SLC25A33: variants seen among roughly 807,000 people sequenced by gnomAD.
The protein encoded by SLC25A33 is solute carrier family 25 member 33.
Under a neutral mutation model 35.5 loss-of-function variants are expected in SLC25A33, and 15 were observed. That is an observed-to-expected ratio of 0.42 (90% CI 0.28 to 0.65). The LOEUF (loss-of-function observed/expected upper bound fraction) is 0.65. Ranked by LOEUF, SLC25A33 falls within the 30% of genes least tolerant of loss-of-function variation. The pLI is 0.20. For synonymous variants in SLC25A33, 136 were observed against 148.7 expected (o/e 0.91, Z 0.62); for missense variants, 257 against 398.5 (o/e 0.64, Z 3.02).
Position 9,539,495 on chromosome 1 carries a change from C to A in SLC25A33, c.-197C>A, listed in dbSNP as rs1432159059. On this transcript the variant is annotated 5_prime_UTR_variant, in exon 1 of 7. Coordinates refer to ENST00000302692, the MANE Select transcript of SLC25A33 (RefSeq NM_032315.3). ...CCCGCCGGGCTCGCGCCGCAGAGGC[C>A]GGTGAGGCGCCGGCGGCCACGCCGC... 1 of 219,130 alleles carries A rather than the reference C, an allele frequency of 4.6e-6. No homozygotes were observed. The highest frequency in any genetic ancestry group is 8.6e-6 in the Non-Finnish European group (1 of 116,756). 13.6% of individuals were successfully genotyped at this position (219,130 alleles called of 1,614,324 possible).
At chr1:9,555,435 G>A (rs1643329358) in intron 2 of SLC25A33, among the ~76,000 whole-genome samples, 1 of 152,002 alleles carries the variant, frequency 6.6e-6, no homozygotes, top group South Asian at 2.1e-4. Flanking sequence ...GCACTTTTAG[G>A]CACAATTTAG....
At chr1:9,544,058 TTGCTC>T (rs2100366568) in intron 1 of SLC25A33, among the ~76,000 whole-genome samples, 1 of 151,838 alleles carries the variant, frequency 6.6e-6, no homozygotes, top group Admixed American at 6.6e-5. Context: ...TGAGCTGAGA[TTGCTC>T]CACTGCACTC....
At chr1:9,548,469 G>A (rs1322957270) in intron 1 of SLC25A33, among the ~76,000 whole-genome samples, 4 of 151,996 alleles carry the variant, frequency 2.6e-5, no homozygotes, top group Non-Finnish European at 5.9e-5. Context: ...GTAATCCCAG[G>A]AACTCATGAG....
chr1:9,554,319 G>T (rs935757804), intron 2 of SLC25A33, among the ~76,000 whole-genome samples: 2 of 146,336 alleles, frequency 1.4e-5, no homozygotes, highest in East Asian at 4.2e-4. Flanking sequence ...GTGAGCCACC[G>T]CTCCCAGCCG....
chr1:9,554,571 C>G (rs945671531), intron 2 of SLC25A33, among the ~76,000 whole-genome samples: 11 of 151,326 alleles, frequency 7.3e-5, no homozygotes, highest in Non-Finnish European at 8.8e-5. Flanking sequence ...GTTGGCCAGG[C>G]TGGTCCCAAA....
rs968087653 is a variant in SLC25A33 at position 9,545,205 on chromosome 1, G to T, written c.56+5458G>T. 1.3e-4 allele frequency among the ~76,000 whole-genome samples: 19 copies of T among 151,792 alleles called. No homozygotes were observed. In the South Asian group the frequency reaches 2.3e-3, roughly 18 times the overall value. ...GAGGGGAGTTTTTTTGTTTTTGGTG[G>T]TTTTTTTTGTTTTGTTTGTTTGTTT... On this transcript the variant is annotated intron_variant, in intron 1 of 6. Transcript: ENST00000302692.
rs1254344926 is a variant in SLC25A33, at chr1:9,567,282, A to G, written c.237-2A>G. 7 of 1,613,488 alleles carry G rather than the reference A, an allele frequency of 4.3e-6. No individual in the cohort carries two copies. Among genetic ancestry groups the G allele is most frequent in the Non-Finnish European group, 5.9e-6 (7 of 1,179,798 alleles). On this transcript the variant is annotated splice_acceptor_variant, in intron 2 of 6. Coordinates refer to ENST00000302692, the MANE Select transcript of SLC25A33 (RefSeq NM_032315.3). LOFTEE classifies it high-confidence loss of function. ...AAAGGTTTGTCTTTTCTTATTATTC[A>G]GGTCGATCTTGGAGAAAGAGGGACC...
chr1:9,570,429 T>C (rs2100403143), intron 4 of SLC25A33, 71 bp downstream of exon 4: 1 of 1,332,884 alleles, frequency 7.5e-7, no homozygotes, highest in East Asian at 2.4e-5. Flanking sequence ...TGCCAGTTTT[T>C]CCAGGAATTA....
At chr1:9,545,888 G>A (rs1285129640) in intron 1 of SLC25A33, among the ~76,000 whole-genome samples, 4 of 151,616 alleles carry the variant, frequency 2.6e-5, no homozygotes, top group Non-Finnish European at 5.9e-5. Flanking sequence ...ACTTGAACCC[G>A]GGAGGCGGAG....
Position 9,582,337 on chromosome 1 carries a change from T to G in SLC25A33, c.802T>G (p.Tyr268Asp). Residue 268 changes from tyrosine (Y) to aspartate (D), a missense_variant, in exon 7 of 7, where the codon TAC (tyrosine) becomes GAC (aspartate). Transcript: ENST00000302692. This position sits in a 1 kb window ranked among gnomAD's most constrained non-coding sequence, Gnocchi z 4.0. ...RTRLREEGTK[Y>D]KSFVQTARLV... Reference sequence around the variant, plus strand: ...GAGGCTCCGGGAAGAGGGCACCAAGTACAAGTCTTTTGTCCAGACGGCGCG... The same window carrying G: ...GAGGCTCCGGGAAGAGGGCACCAAGGACAAGTCTTTTGTCCAGACGGCGCG... The G allele has an allele frequency of 1.2e-6, 2 of 1,613,990 alleles. No individual in the cohort carries two copies. Among genetic ancestry groups the G allele is most frequent in the Non-Finnish European group, 1.7e-6 (2 of 1,179,860 alleles).
intron 1 of SLC25A33, among the ~76,000 whole-genome samples, chr1:9,551,085 G>C (rs1035018135): frequency 4.0e-5 from 6 of 151,722 alleles, no homozygotes; most frequent in Admixed American, 3.3e-4. Context: ...CCCACAACTT[G>C]ATTAAAAATA....
At chr1:9,577,737 A>G (rs1214340766) in intron 5 of SLC25A33, among the ~76,000 whole-genome samples, 1 of 152,084 alleles carries the variant, frequency 6.6e-6, no homozygotes, top group African/African-American at 2.4e-5. Context: ...GGTGCCCTCC[A>G]GGGGACATTC....
chr1:9,564,091 T>C (rs1643464287), intron 2 of SLC25A33, among the ~76,000 whole-genome samples: 1 of 152,198 alleles, frequency 6.6e-6, no homozygotes, highest in South Asian at 2.1e-4. Flanking sequence ...AAGACCATTA[T>C]ATAACAATGT....
chr1:9,555,844 C>G (rs2100383493), intron 2 of SLC25A33, among the ~76,000 whole-genome samples: 1 of 152,148 alleles, frequency 6.6e-6, no homozygotes, highest in East Asian at 1.9e-4. Flanking sequence ...ACCACGATGC[C>G]TGGCTAATTT....
At chr1:9,581,729 CAAA>C (rs34855299) in intron 6 of SLC25A33, among the ~76,000 whole-genome samples, 6 of 77,412 alleles carry the variant, frequency 7.8e-5, no homozygotes, top group Admixed American at 1.4e-4. Context: ...GACTCTGCCT[CAAA>C]AAAAAAAAAA....
At chr1:9,570,384 A>G (rs993794824) in intron 4 of SLC25A33, 26 bp downstream of exon 4, 2 of 1,576,490 alleles carry the variant, frequency 1.3e-6, no homozygotes, top group African/African-American at 1.4e-5. Flanking sequence ...GAGTGAAGAG[A>G]GGGTCTCTCT....
At chr1:9,556,279 T>TA in intron 2 of SLC25A33, 1 of 975,986 alleles carries the variant, frequency 1.0e-6, no homozygotes, top group Non-Finnish European at 1.2e-6. Flanking sequence ...TCAGTAACAT[T>TA]CAAAATGAAT....
At chr1:9,569,134 G>A (rs1253891772) in intron 3 of SLC25A33, among the ~76,000 whole-genome samples, 3 of 151,176 alleles carry the variant, frequency 2.0e-5, no homozygotes, top group African/African-American at 4.9e-5. Flanking sequence ...AATCCCAGCT[G>A]CTCGGGAGGC....
chr1:9,569,465 A>G (rs1181710271), intron 3 of SLC25A33, among the ~76,000 whole-genome samples: 2 of 152,202 alleles, frequency 1.3e-5, no homozygotes, highest in Non-Finnish European at 2.9e-5. Flanking sequence ...GCTCACAGGC[A>G]ATGCTCCTAC....
Sources: gnomAD v4.1 joint callset for allele counts (sites outside exome capture counted in the v4.1 genomes callset) on GRCh38, gnomAD v4.1.1 for gene constraint, Gnocchi (gnomAD v3.1) non-coding constraint, MANE v1.5 for transcripts, NCBI Gene and HGNC (gene_info 2026-07-23, HGNC 2026-07-21) for gene names.